Variants in CNTNAP2 observed in about 807,000 individuals in gnomAD.
The protein encoded by CNTNAP2 is contactin-associated protein-like 2.
In CNTNAP2, 98 loss-of-function variants were observed where a neutral mutation model predicts 155.2. The observed-to-expected ratio is 0.63, with a 90% CI of 0.54 to 0.75. CNTNAP2 has a LOEUF of 0.75. CNTNAP2 is among the 30% of genes least tolerant of loss of function. The pLI is 0.00. For synonymous variants in CNTNAP2, 651 were observed against 631.2 expected (o/e 1.03, Z -0.47); for missense variants, 1,727 against 1,688.1 (o/e 1.02, Z -0.40).
intron 3 of CNTNAP2, among the ~76,000 whole-genome samples, chr7:147,024,896 G>A (rs1394956127): frequency 6.6e-6 from 1 of 152,092 alleles, no homozygotes; most frequent in Non-Finnish European, 1.5e-5. Context: ...CTAACAGGAA[G>A]AGAGTAAGGG....
intron 16 of CNTNAP2, among the ~76,000 whole-genome samples, chr7:148,122,443 G>A (rs972398725): frequency 2.0e-5 from 3 of 152,100 alleles, no homozygotes; most frequent in Admixed American, 6.5e-5. Flanking sequence ...GGAAGAACAG[G>A]AGCCAGGGAA....
At chr7:146,753,463 G>A (rs1450882849) in intron 1 of CNTNAP2, among the ~76,000 whole-genome samples, 4 of 151,894 alleles carry the variant, frequency 2.6e-5, no homozygotes, top group Non-Finnish European at 5.9e-5. Flanking sequence ...TTAACCAACT[G>A]TGTATGAAAG....
chr7:146,878,703 A>T (rs1341267448), intron 3 of CNTNAP2, among the ~76,000 whole-genome samples: 3 of 151,456 alleles, frequency 2.0e-5, no homozygotes, highest in Non-Finnish European at 4.4e-5. Flanking sequence ...CCCTCACTCC[A>T]CTCTAAGTAC....
intron 9 of CNTNAP2, among the ~76,000 whole-genome samples, chr7:147,365,789 C>T (rs973884546): frequency 1.3e-5 from 2 of 152,110 alleles, no homozygotes; most frequent in African/African-American, 4.8e-5. Context: ...CACTGTTTCC[C>T]ATTGCTTCTA....
intron 15 of CNTNAP2, among the ~76,000 whole-genome samples, chr7:148,074,637 G>A (rs970393185): frequency 4.0e-5 from 6 of 151,602 alleles, no homozygotes; most frequent in Admixed American, 6.6e-5. Flanking sequence ...GCAGTGAGCC[G>A]AGATTGCGCC....
At chr7:147,469,519 T>TTTTTTTTTTTTTTTTG (rs1798176697) in intron 10 of CNTNAP2, among the ~76,000 whole-genome samples, 1 of 79,816 alleles carries the variant, frequency 1.3e-5, no homozygotes, top group Non-Finnish European at 2.4e-5. Context: ...TTTTTTTTTT[T>TTTTTTTTTTTTTTTTG]TTTTTTTTTT....
chr7:147,176,903 TATA>T (rs1006925091), intron 8 of CNTNAP2, among the ~76,000 whole-genome samples: 5 of 130,302 alleles, frequency 3.8e-5, no homozygotes, highest in African/African-American at 1.5e-4. Flanking sequence ...TTATAATAAT[TATA>T]ATATATAATT....
At chr7:147,218,093 G>C (rs1483471289) in intron 8 of CNTNAP2, among the ~76,000 whole-genome samples, 1 of 151,754 alleles carries the variant, frequency 6.6e-6, no homozygotes, top group African/African-American at 2.4e-5. Context: ...AACAGCCTTT[G>C]GTTTCCTTGA....
intron 1 of CNTNAP2, among the ~76,000 whole-genome samples, chr7:146,662,663 A>G (rs1800112717): frequency 8.7e-6 from 1 of 114,556 alleles, no homozygotes; most frequent in African/African-American, 2.7e-5. Context: ...TTTATGCCAT[A>G]TAAAATATCT....
At chr7:146,527,095 GA>G (rs914818491) in intron 1 of CNTNAP2, among the ~76,000 whole-genome samples, 6 of 149,894 alleles carry the variant, frequency 4.0e-5, no homozygotes, top group African/African-American at 1.5e-4. Flanking sequence ...ATTTTTTTTA[GA>G]AAAAAAAATC....
At chr7:148,347,704 C>T (rs1426927486) in intron 21 of CNTNAP2, among the ~76,000 whole-genome samples, 2 of 152,138 alleles carry the variant, frequency 1.3e-5, no homozygotes, top group South Asian at 2.1e-4. Context: ...TGTAGTGAAT[C>T]GGGGGAGAAA....
At chr7:146,889,691 AC>A (rs1358923740) in intron 3 of CNTNAP2, among the ~76,000 whole-genome samples, 1 of 152,154 alleles carries the variant, frequency 6.6e-6, no homozygotes, top group Non-Finnish European at 1.5e-5. Flanking sequence ...AAATTACAAT[AC>A]CTTGTTCTTC....
chr7:146,923,336 T>A (rs1378057990), intron 3 of CNTNAP2, among the ~76,000 whole-genome samples: 2 of 152,188 alleles, frequency 1.3e-5, no homozygotes, highest in East Asian at 3.9e-4. Context: ...GGCATTGTGA[T>A]GAAGTTTGTA....
At chr7:148,413,432 A>ATATATATATATATG in intron 23 of CNTNAP2, among the ~76,000 whole-genome samples, 1 of 102,244 alleles carries the variant, frequency 9.8e-6, no homozygotes, top group African/African-American at 3.9e-5. Flanking sequence ...ATATATATAT[A>ATATATATATATATG]TATATATATA....
At chr7:146,125,491 G>C (rs550843850) in intron 1 of CNTNAP2, among the ~76,000 whole-genome samples, 1 of 150,360 alleles carries the variant, frequency 6.7e-6, no homozygotes, top group African/African-American at 2.5e-5. Flanking sequence ...CAGGAGAATG[G>C]CGTGAACCCA....
intron 12 of CNTNAP2, among the ~76,000 whole-genome samples, chr7:147,571,639 C>T (rs1184251096): frequency 6.6e-6 from 1 of 152,052 alleles, no homozygotes; most frequent in Non-Finnish European, 1.5e-5. Context: ...CATTCTTCCC[C>T]TTTTAGAGAG....
At chr7:146,654,920 C>G (rs913639422) in intron 1 of CNTNAP2, among the ~76,000 whole-genome samples, 1 of 151,978 alleles carries the variant, frequency 6.6e-6, no homozygotes, top group Non-Finnish European at 1.5e-5. Context: ...TTAAGTGGAT[C>G]TTTTATAAAA....
intron 15 of CNTNAP2, among the ~76,000 whole-genome samples, chr7:148,020,564 A>G (rs1802261145): frequency 6.6e-6 from 1 of 152,202 alleles, no homozygotes; most frequent in Non-Finnish European, 1.5e-5. Context: ...CACAAGTTAA[A>G]TCCATTTTAT....
intron 13 of CNTNAP2, among the ~76,000 whole-genome samples, chr7:147,709,622 C>G (rs1796373377): frequency 6.6e-6 from 1 of 152,136 alleles, no homozygotes; most frequent in South Asian, 2.1e-4. Flanking sequence ...AACACTGTTC[C>G]TCTGGACTGG....
Sources: gnomAD v4.1 joint callset for allele counts (sites outside exome capture counted in the v4.1 genomes callset) on GRCh38, gnomAD v4.1.1 for gene constraint, MANE v1.5 for transcripts, NCBI Gene and HGNC (gene_info 2026-07-23, HGNC 2026-07-21) for gene names.